The following PHLDB2 variants were observed in gnomAD, a reference collection of about 807,000 sequenced individuals.
PHLDB2 encodes the protein pleckstrin homology-like domain family B member 2.
Under a neutral mutation model 123.6 loss-of-function variants are expected in PHLDB2, and 71 were observed. That is an observed-to-expected ratio of 0.57 (90% CI 0.47 to 0.70). The LOEUF (loss-of-function observed/expected upper bound fraction) is 0.70, where lower values mean the gene tolerates loss of function less well. Among genes scored for constraint, PHLDB2 ranks in the 30% least tolerant of loss-of-function variants. The pLI is 0.00. For synonymous variants in PHLDB2, 547 were observed against 541.6 expected (o/e 1.01, Z -0.14); for missense variants, 1,446 against 1,519.5 (o/e 0.95, Z 0.80).
At chr3:111,849,171 TTTTG>T (rs1224504846) in intron 2 of PHLDB2, among the ~76,000 whole-genome samples, 2 of 152,122 alleles carry the variant, frequency 1.3e-5, no homozygotes, top group Admixed American at 6.6e-5. Flanking sequence ...TTTGTTTCTT[TTTTG>T]TTTGTTTGTT....
At chr3:111,860,011 C>T (rs1222775370) in intron 1 of PHLDB2, 5 of 541,634 alleles carry the variant, frequency 9.2e-6, no homozygotes, top group Non-Finnish European at 1.2e-5. Flanking sequence ...TTGTGCATGA[C>T]TCTCGGGGGG....
Position 111,865,602 on chromosome 3 carries a change from G to A in PHLDB2, c.-15+6026G>A, listed in dbSNP as rs146780354. Among the ~76,000 whole-genome samples the A allele has an allele frequency of 5.8e-3, 878 of 152,122 alleles. 3 individuals are homozygous for A. The highest frequency in any genetic ancestry group is 6.9e-3 in the Non-Finnish European group (466 of 67,994). On this transcript the variant is annotated intron_variant, in intron 1 of 17. Coordinates refer to ENST00000431670, the MANE Select transcript of PHLDB2 (RefSeq NM_001134438.2). ...CTGTTGAAACAAAATGAAGACAGGC[G>A]AATTGACGTGCTCCAGATCTTAGTT...
Position 111,884,077 on chromosome 3 carries a change from T to A in PHLDB2, c.-1T>A. On this transcript the variant is annotated 5_prime_UTR_variant, in exon 2 of 18. Transcript: ENST00000431670. ...ATTTCTTTACAGATTCCAGCAAGAT[T>A]ATGGAAGAGCATAGCTACATACAAA... 6.2e-7 allele frequency: 1 copy of A among 1,602,618 alleles called. No homozygotes were observed. Among genetic ancestry groups the A allele is most frequent in the South Asian group, 1.1e-5 (1 of 88,226 alleles).
At chr3:111,771,023 C>T (rs2060167993) in intron 1 of PHLDB2, among the ~76,000 whole-genome samples, 1 of 152,206 alleles carries the variant, frequency 6.6e-6, no homozygotes. Context: ...TCTGCACACA[C>T]CATTGTGCAG....
intron 5 of PHLDB2, among the ~76,000 whole-genome samples, chr3:111,926,237 A>G (rs536797362): frequency 9.5e-4 from 145 of 152,346 alleles, no homozygotes; most frequent in Non-Finnish European, 1.3e-3. Flanking sequence ...AGCATATATC[A>G]TTGCATGTTA....
chr3:111,836,554 G>T (rs187148659), intron 1 of PHLDB2, among the ~76,000 whole-genome samples: 1 of 152,114 alleles, frequency 6.6e-6, no homozygotes, highest in Non-Finnish European at 1.5e-5. Flanking sequence ...AACAAGGGAA[G>T]CTTTGGCTTT....
intron 12 of PHLDB2, among the ~76,000 whole-genome samples, chr3:111,959,072 C>T (rs767648792): frequency 5.9e-5 from 9 of 152,258 alleles, no homozygotes; most frequent in African/African-American, 1.2e-4. Flanking sequence ...TGTTCCTTCA[C>T]TGCACCAGCA....
intron 2 of PHLDB2, among the ~76,000 whole-genome samples, chr3:111,899,189 C>T (rs2067046958): frequency 6.6e-6 from 1 of 152,108 alleles, no homozygotes; most frequent in Non-Finnish European, 1.5e-5. Flanking sequence ...ATGAAAACAA[C>T]CTTTATTTTC....
intron 11 of PHLDB2, chr3:111,953,637 G>T (rs2070849216): frequency 3.5e-6 from 1 of 286,062 alleles, no homozygotes; most frequent in Non-Finnish European, 6.7e-6. Context: ...CCTTATGCAT[G>T]AAGAACTTTC....
At chr3:111,824,489 G>C (rs942941289) in intron 1 of PHLDB2, among the ~76,000 whole-genome samples, 1 of 152,160 alleles carries the variant, frequency 6.6e-6, no homozygotes, top group Non-Finnish European at 1.5e-5. Flanking sequence ...TGTTGGTTCT[G>C]GAGTGAACGT....
chr3:111,767,575 A>C (rs2060104096), intron 1 of PHLDB2, among the ~76,000 whole-genome samples: 1 of 152,240 alleles, frequency 6.6e-6, no homozygotes, highest in Non-Finnish European at 1.5e-5. Flanking sequence ...TATTTTTATT[A>C]TCTGAAAATC....
chr3:111,785,759 A>G (rs903800401), intron 1 of PHLDB2, among the ~76,000 whole-genome samples: 1 of 152,162 alleles, frequency 6.6e-6, no homozygotes, highest in Admixed American at 6.6e-5. Context: ...TTCATCTGTT[A>G]GACCACTTCT....
At chr3:111,757,217 T>A (rs1274093306) in intron 1 of PHLDB2, among the ~76,000 whole-genome samples, 2 of 152,226 alleles carry the variant, frequency 1.3e-5, no homozygotes, top group African/African-American at 4.8e-5. Flanking sequence ...CTGGGGAAGT[T>A]CTCCTGTATA....
chr3:111,951,817 G>T (rs1175758222), intron 10 of PHLDB2, among the ~76,000 whole-genome samples: 6 of 152,132 alleles, frequency 3.9e-5, no homozygotes, highest in Middle Eastern at 3.4e-3. Context: ...ACGTGGATAA[G>T]TTCTCTAGTG....
At chr3:111,752,449 G>T (rs1231909065) in intron 1 of PHLDB2, among the ~76,000 whole-genome samples, 1 of 151,870 alleles carries the variant, frequency 6.6e-6, no homozygotes, top group Admixed American at 6.6e-5. Flanking sequence ...TGACATTTTA[G>T]TACATGTAGT....
intron 2 of PHLDB2, among the ~76,000 whole-genome samples, chr3:111,891,815 G>A (rs773392854): frequency 4.6e-5 from 7 of 152,092 alleles, no homozygotes; most frequent in African/African-American, 7.2e-5. Flanking sequence ...AGTGATGGCC[G>A]TCTAGAGCTT....
intron 1 of PHLDB2, among the ~76,000 whole-genome samples, chr3:111,830,488 C>G (rs1402476832): frequency 7.3e-6 from 1 of 137,222 alleles, no homozygotes; most frequent in Admixed American, 7.9e-5. Context: ...TTCTGAAATA[C>G]CATGAATAAG....
In PHLDB2 at chr3:111,901,407, C is replaced by A. The variant is rs566307218; in HGVS notation, c.1336-11912C>A. On this transcript the variant is annotated intron_variant, in intron 2 of 17. Transcript: ENST00000431670. Reference sequence around the variant, plus strand: ...CATAATATTTTTATGTGATATGACTCAAAAATAATTGTATTATAGTACTTT... The same window carrying A: ...CATAATATTTTTATGTGATATGACTAAAAAATAATTGTATTATAGTACTTT... Among the ~76,000 whole-genome samples, 23 of 151,124 alleles carry A rather than the reference C, an allele frequency of 1.5e-4. No homozygotes were observed. The East Asian group carries it at 3.3e-3, about 22-fold the overall frequency.
intron 2 of PHLDB2, among the ~76,000 whole-genome samples, chr3:111,887,992 TG>T (rs2066272506): frequency 6.6e-6 from 1 of 152,126 alleles, no homozygotes; most frequent in Admixed American, 6.5e-5. Flanking sequence ...AAGAGTTAAG[TG>T]GCTATGGTTA....
Sources: gnomAD v4.1 joint callset for allele counts (sites outside exome capture counted in the v4.1 genomes callset) on GRCh38, gnomAD v4.1.1 for gene constraint, MANE v1.5 for transcripts, NCBI Gene and HGNC (gene_info 2026-07-23, HGNC 2026-07-21) for gene names.